ACSBG2: variants seen among roughly 807,000 people sequenced by gnomAD.
The protein encoded by ACSBG2 is acyl-CoA synthetase bubblegum family member 2, also known as long-chain-fatty-acid--CoA ligase ACSBG2.
ACSBG2 carries 62 observed loss-of-function variants against 74.7 expected under a neutral mutation model. The observed-to-expected ratio is 0.83, with a 90% CI of 0.68 to 1.03. ACSBG2 has a LOEUF of 1.03. Among genes scored for constraint, ACSBG2 ranks in the 50% least tolerant of loss-of-function variants. The pLI is 0.00. For missense variants in ACSBG2, 730 were observed against 817.6 expected (o/e 0.89, Z 1.31); for synonymous variants, 309 against 294.1 (o/e 1.05, Z -0.52).
At chr19:6,183,374 G>A (rs1052002025) in intron 10 of ACSBG2, 102 bp downstream of exon 10, 32 of 958,736 alleles carry the variant, frequency 3.3e-5, no homozygotes, top group Non-Finnish European at 4.4e-5. Flanking sequence ...GAATCCTGAC[G>A]TGGTGTCTCC....
chr19:6,169,540 C>G (rs535053530), intron 7 of ACSBG2, among the ~76,000 whole-genome samples: 1 of 152,232 alleles, frequency 6.6e-6, no homozygotes, highest in East Asian at 1.9e-4. Context: ...TAGCTGTGTT[C>G]TTTTTGCTTA....
intron 7 of ACSBG2, among the ~76,000 whole-genome samples, chr19:6,168,846 G>A (rs372855460): frequency 1.3e-5 from 2 of 151,702 alleles, no homozygotes; most frequent in African/African-American, 2.4e-5. Context: ...TGACACTATC[G>A]CGGCACACTG....
intron 8 of ACSBG2, among the ~76,000 whole-genome samples, chr19:6,179,851 G>C (rs966961345): frequency 1.3e-5 from 2 of 152,088 alleles, no homozygotes; most frequent in Non-Finnish European, 2.9e-5. Context: ...GAACTCAAGT[G>C]ATCTGCTTGC....
intron 3 of ACSBG2, among the ~76,000 whole-genome samples, chr19:6,150,356 A>AG (rs2089193382): frequency 6.6e-6 from 1 of 151,410 alleles, no homozygotes; most frequent in Non-Finnish European, 1.5e-5. Flanking sequence ...AAAAAAAAAA[A>AG]AAGGAAAGCC....
At position 6,187,713 on chromosome 19, in the gene ACSBG2, C is replaced by CA; in HGVS notation, c.1797dup (p.Asp600ArgfsTer27). The CA allele has an allele frequency of 6.2e-7, 1 of 1,614,134 alleles. No individual in the cohort carries two copies. Among genetic ancestry groups the CA allele is most frequent in the South Asian group, 1.1e-5 (1 of 91,080 alleles). ...CACCGTGACTGAGATTGTGAAGCAG[C>CA]AAGACCCCCTGGTCTACAAGGCCAT... On this transcript the variant is annotated frameshift_variant, in exon 13 of 15. Transcript: ENST00000588485. LOFTEE classifies it high-confidence loss of function.
Position 6,174,846 on chromosome 19 carries a change from C to T in ACSBG2, c.739-2383C>T, listed in dbSNP as rs1279764062. Among the ~76,000 whole-genome samples the T allele has an allele frequency of 6.6e-6, 1 of 152,120 alleles. No individual in the cohort carries two copies. Among genetic ancestry groups the T allele is most frequent in the Admixed American group, 6.6e-5 (1 of 15,264 alleles). On this transcript the variant is annotated intron_variant, in intron 7 of 14. Transcript: ENST00000588485. The surrounding 1 kb of genome is among the most constrained non-coding windows in gnomAD (Gnocchi z 4.2). ...CTTTACAGCAAGAAGTTAAAGGTAGCCTTAGATTCTTGCCAGATGTCTACA... is the reference window on the plus strand; with the variant it reads ...CTTTACAGCAAGAAGTTAAAGGTAGTCTTAGATTCTTGCCAGATGTCTACA...
chr19:6,148,577 C>T (rs898450191), intron 3 of ACSBG2, among the ~76,000 whole-genome samples: 3 of 150,752 alleles, frequency 2.0e-5, no homozygotes, highest in Non-Finnish European at 4.4e-5. Context: ...CCTCGGAGGT[C>T]GAGGCTGCAA....
intron 6 of ACSBG2, chr19:6,161,642 G>C (rs982637074): frequency 4.2e-5 from 9 of 211,980 alleles, no homozygotes; most frequent in Non-Finnish European, 8.7e-5. Flanking sequence ...TTTGCAAAGG[G>C]ATGTGGGTGG....
chr19:6,161,456 T>A (rs1007613096), intron 6 of ACSBG2, 161 bp downstream of exon 6: 1 of 605,044 alleles, frequency 1.7e-6, no homozygotes, highest in African/African-American at 2.2e-5. Context: ...AAGTGAAAGG[T>A]GAGGAAAGGA....
chr19:6,159,669 G>C (rs986902867), intron 5 of ACSBG2, among the ~76,000 whole-genome samples: 1 of 152,186 alleles, frequency 6.6e-6, no homozygotes, highest in Non-Finnish European at 1.5e-5. Context: ...ATTTGGGGGA[G>C]TAATCACAGA....
intron 3 of ACSBG2, among the ~76,000 whole-genome samples, chr19:6,148,789 G>A (rs2089134454): frequency 6.6e-6 from 1 of 152,178 alleles, no homozygotes; most frequent in Non-Finnish European, 1.5e-5. Context: ...TGGAGTTAAA[G>A]GTCCCCCTCC....
At chr19:6,142,411 C>T (rs1464137990) in intron 2 of ACSBG2, among the ~76,000 whole-genome samples, 1 of 152,020 alleles carries the variant, frequency 6.6e-6, no homozygotes, top group Non-Finnish European at 1.5e-5. Context: ...CAGCCATTAT[C>T]CAGGCTCTTG....
intron 1 of ACSBG2, 148 bp from the exon 2 acceptor site, chr19:6,141,365 C>T: frequency 1.8e-6 from 1 of 567,688 alleles, no homozygotes; most frequent in Non-Finnish European, 3.2e-6. Flanking sequence ...GGCATGCCGG[C>T]CACTCTCCTC....
At chr19:6,165,793 T>C (rs1001120763) in intron 6 of ACSBG2, 73 bp from the exon 7 acceptor site, 24 of 1,563,788 alleles carry the variant, frequency 1.5e-5, no homozygotes, top group South Asian at 2.3e-5. Flanking sequence ...GAAAAGCTGA[T>C]AGGACGAGGT....
chr19:6,161,483 T>G, intron 6 of ACSBG2, 188 bp downstream of exon 6: 1 of 533,258 alleles, frequency 1.9e-6, no homozygotes, highest in Admixed American at 3.2e-5. Context: ...TGGGGCCTTG[T>G]GAGGAAAGTG....
At chr19:6,182,534 T>C (rs570789703) in intron 8 of ACSBG2, among the ~76,000 whole-genome samples, 1 of 152,290 alleles carries the variant, frequency 6.6e-6, no homozygotes, top group African/African-American at 2.4e-5. Flanking sequence ...TCCAAAAATA[T>C]TTTACCAGTT....
In ACSBG2 at chr19:6,156,416, G is replaced by C. The variant is rs1555692120; in HGVS notation, c.387-15G>C. 1 of 1,583,070 alleles carries C rather than the reference G, an allele frequency of 6.3e-7. No individual in the cohort carries two copies. The highest frequency in any genetic ancestry group is 1.9e-5 in the Admixed American group (1 of 53,490). ...TGTGTGTGGATGCACACACGAATTT[G>C]TTTTCTTTTCCCAGGGGTCTTTGTG... is the stretch of plus-strand genomic sequence containing the variant. On this transcript the variant is annotated splice_polypyrimidine_tract_variant and intron_variant, in intron 4 of 14. Transcript: ENST00000588485.
chr19:6,143,323 G>A (rs937067085), intron 2 of ACSBG2, among the ~76,000 whole-genome samples: 1 of 151,968 alleles, frequency 6.6e-6, no homozygotes, highest in Non-Finnish European at 1.5e-5. Context: ...TAGTGAGGTT[G>A]CAGTGAGCCA....
Position 6,182,826 on chromosome 19 carries a change from C to A in ACSBG2, c.982C>A (p.His328Asn), listed in dbSNP as rs374130121. Residue 328 changes from histidine to asparagine, a missense_variant, in exon 9 of 15, where the codon CAT becomes AAT. By Grantham distance (68) the His-to-Asn change is moderately conservative (BLOSUM62 1). Transcript: ENST00000588485. ...IGVPQIWEKI[H>N]EMVKKNSAKS... ...AGTGCCTCAAATTTGGGAGAAGATA[C>A]ATGAGATGGTGAAGAAAAATAGTGC... 1 of 1,614,122 alleles carries A rather than the reference C, an allele frequency of 6.2e-7. No homozygotes were observed. Among genetic ancestry groups the A allele is most frequent in the South Asian group, 1.1e-5 (1 of 91,078 alleles).
Sources: gnomAD v4.1 joint callset for allele counts (sites outside exome capture counted in the v4.1 genomes callset) on GRCh38, gnomAD v4.1.1 for gene constraint, Gnocchi (gnomAD v3.1) non-coding constraint, MANE v1.5 for transcripts, NCBI Gene and HGNC (gene_info 2026-07-23, HGNC 2026-07-21) for gene names.